ALMS1: variants seen among roughly 807,000 people sequenced by gnomAD.
ALMS1 encodes the protein centrosome-associated protein ALMS1.
In ALMS1, 271 loss-of-function variants were observed where a neutral mutation model predicts 352.2. The ratio of observed to expected loss-of-function variants is 0.77; its 90% CI spans 0.70 to 0.85. The LOEUF (loss-of-function observed/expected upper bound fraction) is 0.85, where lower values mean the gene tolerates loss of function less well. Ranked by LOEUF, ALMS1 falls within the 40% of genes least tolerant of loss-of-function variation. ALMS1 has a pLI of 0.00. For missense variants in ALMS1, 5,445 were observed against 4,870.7 expected (o/e 1.12, Z -3.51); for synonymous variants, 1,865 against 1,761.2 (o/e 1.06, Z -1.48).
intron 10 of ALMS1, among the ~76,000 whole-genome samples, chr2:73,493,395 T>C (rs1673032878): frequency 6.6e-6 from 1 of 150,912 alleles, no homozygotes; most frequent in Non-Finnish European, 1.5e-5. Flanking sequence ...AAAACATATA[T>C]ATATAAGTAA....
intron 16 of ALMS1, among the ~76,000 whole-genome samples, chr2:73,596,860 C>CTTTT (rs70965740): frequency 1.3e-3 from 139 of 104,236 alleles, no homozygotes; most frequent in African/African-American, 2.9e-3. Flanking sequence ...CCCTCTACCT[C>CTTTT]TTTTTTTTTT....
chr2:73,481,914 T>C (rs1415320097), intron 9 of ALMS1, among the ~76,000 whole-genome samples: 2 of 151,774 alleles, frequency 1.3e-5, no homozygotes, highest in African/African-American at 4.9e-5. Context: ...TTGTGATTTT[T>C]GTACATTGAT....
chr2:73,488,613 G>A (rs935642701), intron 9 of ALMS1, among the ~76,000 whole-genome samples: 1 of 152,198 alleles, frequency 6.6e-6, no homozygotes, highest in African/African-American at 2.4e-5. Flanking sequence ...AGTACAGCGA[G>A]TAGCCCTAGC....
intron 9 of ALMS1, chr2:73,462,804 A>C (rs950084105): frequency 6.6e-6 from 1 of 152,160 alleles, no homozygotes; most frequent in African/African-American, 2.4e-5. Context: ...AGGGGTTGCA[A>C]TCCTAGTCTC....
chr2:73,546,798 A>C (rs759101486), intron 12 of ALMS1, among the ~76,000 whole-genome samples: 8 of 152,218 alleles, frequency 5.3e-5, no homozygotes, highest in Non-Finnish European at 8.8e-5. Flanking sequence ...ACAAATGGAA[A>C]GAAGGCAGCG....
intron 10 of ALMS1, among the ~76,000 whole-genome samples, chr2:73,495,615 C>T (rs1004302449): frequency 5.3e-5 from 8 of 152,036 alleles, no homozygotes; most frequent in African/African-American, 1.9e-4. Context: ...ATGCTCATTG[C>T]TGGTGGGATG....
chr2:73,497,302 A>C (rs1234531251), intron 10 of ALMS1, among the ~76,000 whole-genome samples: 2 of 151,640 alleles, frequency 1.3e-5, no homozygotes, highest in African/African-American at 4.8e-5. Context: ...TTAATTTTTA[A>C]ATTTTCATTT....
chr2:73,425,310 A>T (rs1439927995), intron 5 of ALMS1, among the ~76,000 whole-genome samples: 1 of 152,214 alleles, frequency 6.6e-6, no homozygotes, highest in Non-Finnish European at 1.5e-5. Flanking sequence ...ACTAACGGAG[A>T]CTAGAAATAA....
intron 16 of ALMS1, among the ~76,000 whole-genome samples, chr2:73,575,084 A>G (rs1052397517): frequency 6.6e-6 from 1 of 152,214 alleles, no homozygotes; most frequent in Admixed American, 6.5e-5. Context: ...CATCCATGAC[A>G]TAACATGTAT....
intron 10 of ALMS1, among the ~76,000 whole-genome samples, chr2:73,502,642 A>G (rs538171475): frequency 6.6e-6 from 1 of 152,252 alleles, no homozygotes; most frequent in East Asian, 1.9e-4. Context: ...TTCCTGATCT[A>G]TGGATATGAT....
intron 11 of ALMS1, among the ~76,000 whole-genome samples, chr2:73,525,679 T>C (rs965085347): frequency 6.6e-5 from 10 of 151,568 alleles, no homozygotes; most frequent in African/African-American, 2.2e-4. Context: ...TTATGGCTAC[T>C]AATCCCTTGT....
At chr2:73,484,784 T>C (rs1066694) in intron 9 of ALMS1, among the ~76,000 whole-genome samples, 75,940 of 150,740 alleles carry the variant, frequency 0.5, 21,862 homozygotes, top group East Asian at 0.76. Flanking sequence ...CTTTTTATTC[T>C]TTTTTCTCTA....
At position 73,450,362 on chromosome 2, in the gene ALMS1, C is replaced by T. The variant is rs1422410913; in HGVS notation, c.3835C>T (p.Pro1279Ser). The change falls in exon 8 of 23, where the codon CCA (proline) becomes TCA (serine). Residue 1279 changes from proline (P) to serine (S), a missense_variant. By Grantham distance (74) the Pro-to-Ser change is moderately conservative. Coordinates refer to ENST00000613296, the MANE Select transcript of ALMS1 (RefSeq NM_001378454.1). ...ACCAGTTGACCAGACAACTGGCACA[C>T]CAGCTGTAACCTCTACTTCCTACTC... ...SEPVDQTTGT[P>S]AVTSTSYSQY... 2 of 1,612,880 alleles carry T rather than the reference C, an allele frequency of 1.2e-6. No homozygotes were observed. Among genetic ancestry groups the T allele is most frequent in the Non-Finnish European group, 1.7e-6 (2 of 1,179,760 alleles).
intron 9 of ALMS1, 125 bp from the exon 10 acceptor site, chr2:73,489,509 A>T (rs1672927059): frequency 9.0e-7 from 1 of 1,111,152 alleles, no homozygotes. Flanking sequence ...GTTATATTAT[A>T]AAAGAATGAC....
At chr2:73,575,131 C>T (rs1349461534) in intron 16 of ALMS1, among the ~76,000 whole-genome samples, 2 of 152,062 alleles carry the variant, frequency 1.3e-5, no homozygotes, top group Admixed American at 6.6e-5. Context: ...AGTATTATTC[C>T]GTTGCATGTA....
chr2:73,424,969 G>C (rs928878428), intron 5 of ALMS1, 67 bp downstream of exon 5: 1 of 1,399,116 alleles, frequency 7.1e-7, no homozygotes, highest in Non-Finnish European at 9.7e-7. Context: ...CCCAAGGGAA[G>C]TAACAATTTT....
At chr2:73,434,122 T>G (rs1407396366) in intron 7 of ALMS1, among the ~76,000 whole-genome samples, 1 of 152,132 alleles carries the variant, frequency 6.6e-6, no homozygotes, top group African/African-American at 2.4e-5. Flanking sequence ...TTATTTTCAT[T>G]CTAGTCATTA....
At chr2:73,436,357 G>C (rs984392333) in intron 7 of ALMS1, among the ~76,000 whole-genome samples, 3 of 152,090 alleles carry the variant, frequency 2.0e-5, no homozygotes, top group Non-Finnish European at 2.9e-5. Context: ...GTCTCTATGT[G>C]AATCTCTGTG....
intron 12 of ALMS1, among the ~76,000 whole-genome samples, chr2:73,538,668 A>T (rs539462741): frequency 1.4e-3 from 211 of 152,262 alleles, no homozygotes; most frequent in Non-Finnish European, 2.2e-3. Flanking sequence ...CACCTGGAAA[A>T]TCGGGTCACT....
Sources: allele counts gnomAD v4.1 joint callset (sites outside exome capture counted in the v4.1 genomes callset), GRCh38; gene constraint gnomAD v4.1.1; transcripts MANE v1.5; gene names NCBI Gene and HGNC (gene_info 2026-07-23, HGNC 2026-07-21).